Variants in SEZ6 observed in about 807,000 individuals in gnomAD.
The protein encoded by SEZ6 is seizure related 6 homolog, also known as seizure protein 6 homolog.
In SEZ6, 53 loss-of-function variants were observed where a neutral mutation model predicts 101.0. The ratio of observed to expected loss-of-function variants is 0.52; its 90% CI spans 0.42 to 0.66. The LOEUF is 0.66. Among genes scored for constraint, SEZ6 ranks in the 30% least tolerant of loss-of-function variants. The pLI, the probability that SEZ6 is intolerant of heterozygous loss-of-function variation, is 0.00. For synonymous variants in SEZ6, 488 were observed against 512.2 expected, an observed-to-expected ratio of 0.95 and a Z score of 0.64; for missense variants, 1,102 against 1,289.4, an observed-to-expected ratio of 0.85 and a Z score of 2.23.
chr17:28,980,124 G>A (rs1051803401), intron 2 of SEZ6, among the ~76,000 whole-genome samples: 2 of 151,704 alleles, frequency 1.3e-5, no homozygotes, highest in African/African-American at 4.8e-5. Context: ...TGGGATTACA[G>A]GCGTGAGCCA....
At chr17:29,003,385 CACGATTTTGCCCT>C (rs1788232589) in intron 1 of SEZ6, among the ~76,000 whole-genome samples, 1 of 152,222 alleles carries the variant, frequency 6.6e-6, no homozygotes, top group Non-Finnish European at 1.5e-5. Context: ...CCAAGCCCAG[CACGATTTTGCCCT>C]ACCTCCGCAG....
intron 1 of SEZ6, among the ~76,000 whole-genome samples, chr17:28,983,720 C>G (rs984483094): frequency 2.0e-5 from 3 of 152,190 alleles, no homozygotes; most frequent in South Asian, 4.1e-4. Flanking sequence ...GAGGATATTT[C>G]TGATCCTTAC....
At chr17:28,965,861 C>T (rs939140218) in intron 4 of SEZ6, among the ~76,000 whole-genome samples, 1 of 151,996 alleles carries the variant, frequency 6.6e-6, no homozygotes, top group East Asian at 1.9e-4. Flanking sequence ...AGGATCAACC[C>T]GGTGCAGTGG....
intron 3 of SEZ6, among the ~76,000 whole-genome samples, chr17:28,970,887 C>T (rs1598190460): frequency 6.6e-6 from 1 of 152,236 alleles, no homozygotes; most frequent in East Asian, 1.9e-4. Context: ...TCAGCTGGGC[C>T]TTACACCATG....
chr17:28,964,221 G>A, intron 4 of SEZ6, 74 bp from the exon 5 acceptor site: 1 of 1,471,898 alleles, frequency 6.8e-7, no homozygotes, highest in African/African-American at 1.4e-5. Flanking sequence ...GGTTGGGGGA[G>A]GTCTGCCTCA....
At chr17:28,960,399 G>A (rs575605327) in intron 7 of SEZ6, 106 bp downstream of exon 7, 1 of 1,425,528 alleles carries the variant, frequency 7.0e-7, no homozygotes, top group African/African-American at 1.4e-5. Context: ...GACTTGGAAG[G>A]AGTGACAGCA....
chr17:28,967,573 A>G (rs115398728), intron 4 of SEZ6, among the ~76,000 whole-genome samples: 2,528 of 152,228 alleles, frequency 0.017, 65 homozygotes, highest in African/African-American at 0.057. Context: ...GGATGGAGAA[A>G]GGGGTGTGGG....
intron 3 of SEZ6, among the ~76,000 whole-genome samples, chr17:28,976,742 C>T (rs1024599643): frequency 6.6e-6 from 1 of 152,226 alleles, no homozygotes; most frequent in Non-Finnish European, 1.5e-5. Flanking sequence ...TCCGCCCCTA[C>T]ACAACAAAGC....
intron 3 of SEZ6, among the ~76,000 whole-genome samples, chr17:28,979,391 C>G (rs1174995879): frequency 6.6e-6 from 1 of 152,216 alleles, no homozygotes; most frequent in Non-Finnish European, 1.5e-5. Context: ...AGCGAGGCAG[C>G]CCTGTGTTCT....
At chr17:28,963,894 A>G in intron 5 of SEZ6, 68 bp downstream of exon 5, 1 of 1,535,388 alleles carries the variant, frequency 6.5e-7, no homozygotes, top group Non-Finnish European at 8.8e-7. Flanking sequence ...AGAGAGCAAC[A>G]GAGAGCAGGG....
At position 29,005,054 on chromosome 17, in the gene SEZ6, G is replaced by C. The variant is rs1193858513; in HGVS notation, c.55+761C>G. On this transcript the variant is annotated intron_variant, in intron 1 of 16. Transcript: ENST00000317338. The surrounding 1 kb of genome is among the most constrained non-coding windows in gnomAD (Gnocchi z 4.8). Reference sequence around the variant, plus strand: ...AGGGCCGGGCAGGAAGGCAGGCCGGGAGGGAGGCAGAGCTCGGGGCAGTGG... The same window carrying C: ...AGGGCCGGGCAGGAAGGCAGGCCGGCAGGGAGGCAGAGCTCGGGGCAGTGG... Among the ~76,000 whole-genome samples the C allele has an allele frequency of 1.3e-5, 2 of 151,504 alleles. No individual in the cohort carries two copies. The highest frequency in any genetic ancestry group is 4.9e-5 in the African/African-American group (2 of 41,204).
intron 1 of SEZ6, among the ~76,000 whole-genome samples, chr17:28,996,586 G>T (rs577444310): frequency 6.6e-6 from 1 of 152,222 alleles, no homozygotes; most frequent in Admixed American, 6.5e-5. Flanking sequence ...GAGGGAGAGA[G>T]ACCAGCCTGG....
At chr17:28,989,145 T>C (rs2041423395) in intron 1 of SEZ6, among the ~76,000 whole-genome samples, 1 of 152,160 alleles carries the variant, frequency 6.6e-6, no homozygotes, top group Non-Finnish European at 1.5e-5. Context: ...ACAAGCCAGG[T>C]CCCTCAGCAC....
rs2152683648 is a variant in SEZ6 at position 28,959,567 on chromosome 17, C to T, written c.1772-95G>A. On this transcript the variant is annotated intron_variant, in intron 8 of 16. Transcript: ENST00000317338. This position sits in a 1 kb window ranked among gnomAD's most constrained non-coding sequence, Gnocchi z 4.4. ...GGAGTGCCCACAAATTGCTGGGACCCCCCACCTCCTCCTTGGAGGAAGCCT... is the reference window on the plus strand; with the variant it reads ...GGAGTGCCCACAAATTGCTGGGACCTCCCACCTCCTCCTTGGAGGAAGCCT... 7.1e-6 allele frequency: 11 copies of T among 1,556,778 alleles called. No individual in the cohort carries two copies. The highest frequency in any genetic ancestry group is 4.5e-5 in the East Asian group (2 of 44,404).
chr17:28,998,810 ACC>A (rs1289222816), intron 1 of SEZ6, among the ~76,000 whole-genome samples: 1 of 152,116 alleles, frequency 6.6e-6, no homozygotes, highest in Non-Finnish European at 1.5e-5. Context: ...GTCGTCACAG[ACC>A]CAGAGGCAAA....
intron 3 of SEZ6, among the ~76,000 whole-genome samples, chr17:28,973,493 A>G (rs2041181577): frequency 6.6e-6 from 1 of 152,188 alleles, no homozygotes; most frequent in Admixed American, 6.5e-5. Flanking sequence ...CAGGGGAGGC[A>G]TGGCCCTTTC....
intron 4 of SEZ6, among the ~76,000 whole-genome samples, chr17:28,965,362 A>G (rs1349669024): frequency 6.6e-6 from 1 of 151,994 alleles, no homozygotes; most frequent in East Asian, 1.9e-4. Flanking sequence ...CAAAAAAACA[A>G]ACTTACAAAC....
chr17:28,972,596 C>T (rs879851732), intron 3 of SEZ6, among the ~76,000 whole-genome samples: 4 of 152,208 alleles, frequency 2.6e-5, no homozygotes, highest in African/African-American at 9.7e-5. Context: ...CACCCAGGCA[C>T]GTTTGGGCGG....
intron 3 of SEZ6, among the ~76,000 whole-genome samples, chr17:28,974,254 T>C (rs929432536): frequency 6.6e-6 from 1 of 152,146 alleles, no homozygotes; most frequent in African/African-American, 2.4e-5. Flanking sequence ...GCTACAGGTC[T>C]CCTAGGCTCT....
Sources: gnomAD v4.1 joint callset for allele counts (sites outside exome capture counted in the v4.1 genomes callset) on GRCh38, gnomAD v4.1.1 for gene constraint, Gnocchi (gnomAD v3.1) non-coding constraint, MANE v1.5 for transcripts, NCBI Gene and HGNC (gene_info 2026-07-23, HGNC 2026-07-21) for gene names.